The following USH2A variants were observed in gnomAD, a reference collection of about 807,000 sequenced individuals.
USH2A encodes Usher syndrome 2A (autosomal recessive, mild).
USH2A carries 443 observed loss-of-function variants against 538.9 expected under a neutral mutation model. The ratio of observed to expected loss-of-function variants is 0.82; its 90% confidence interval spans 0.76 to 0.89. The LOEUF (loss-of-function observed/expected upper bound fraction) is 0.89, where lower values mean the gene tolerates loss of function less well. USH2A is among the 40% of genes least tolerant of loss of function. USH2A has a pLI of 0.00. For missense variants in USH2A, 6,633 were observed against 6,324.8 expected (o/e 1.05, Z -1.65); for synonymous variants, 2,413 against 2,273.5 (o/e 1.06, Z -1.75).
chr1:216,126,987 T>A (rs148360716), intron 21 of USH2A, among the ~76,000 whole-genome samples: 1 of 152,318 alleles, frequency 6.6e-6, no homozygotes, highest in East Asian at 1.9e-4. Flanking sequence ...ACTATGCCAA[T>A]GTTTACAAAT....
intron 61 of USH2A, among the ~76,000 whole-genome samples, chr1:215,680,856 G>C (rs6540902): frequency 0.024 from 3,659 of 152,098 alleles, 139 homozygotes; most frequent in African/African-American, 0.083. Flanking sequence ...CATCTTCCCA[G>C]TCTCCCTCTC....
In USH2A at chr1:215,837,972, C is replaced by G. The variant is rs539406414; in HGVS notation, c.9371+19G>C. The G allele has an allele frequency of 2.1e-5, 33 of 1,588,122 alleles. 1 individual carries two copies. The South Asian group carries it at 3.3e-4, about 16-fold the overall frequency. On this transcript the variant is annotated intron_variant, in intron 47 of 71. Transcript: ENST00000307340. The stretch of plus-strand genomic sequence containing the variant: ...TCTGATCAGAGTTCCTTAGATTTAA[C>G]TGACACAAAATTTTGTACCTTGAAG...
chr1:216,417,822 G>A (rs991944739), intron 3 of USH2A, among the ~76,000 whole-genome samples: 5 of 151,948 alleles, frequency 3.3e-5, no homozygotes, highest in African/African-American at 9.7e-5. Flanking sequence ...TATAGTAGTG[G>A]AAGAATGGAC....
At chr1:215,625,935 T>C in intron 71 of USH2A, 65 bp from the exon 72 acceptor site, 1 of 1,461,410 alleles carries the variant, frequency 6.8e-7, no homozygotes, top group Non-Finnish European at 9.6e-7. Context: ...TATCAATTTA[T>C]AGTTATATCA....
intron 32 of USH2A, among the ~76,000 whole-genome samples, chr1:216,043,523 T>G (rs1164445243): frequency 3.3e-5 from 5 of 152,134 alleles, no homozygotes; most frequent in Non-Finnish European, 7.4e-5. Flanking sequence ...TTACCATGGA[T>G]GTAGGCACTT....
At chr1:215,682,882 C>A (rs548839391) in intron 61 of USH2A, among the ~76,000 whole-genome samples, 50 of 151,294 alleles carry the variant, frequency 3.3e-4, no homozygotes, top group Admixed American at 3.3e-4. Context: ...TATTATTATT[C>A]TTATTTTTTG....
At chr1:216,259,354 T>C (rs2036321230) in intron 11 of USH2A, among the ~76,000 whole-genome samples, 1 of 152,116 alleles carries the variant, frequency 6.6e-6, no homozygotes. Context: ...CTGAAATCTA[T>C]GGTCTGTAGC....
chr1:216,089,451 T>C (rs2032241097), intron 22 of USH2A, among the ~76,000 whole-genome samples: 1 of 152,098 alleles, frequency 6.6e-6, no homozygotes, highest in South Asian at 2.1e-4. Context: ...TAAAGAATTT[T>C]CTATTCTAAA....
At chr1:215,806,881 A>G (rs1343962955) in intron 49 of USH2A, among the ~76,000 whole-genome samples, 2 of 152,062 alleles carry the variant, frequency 1.3e-5, no homozygotes, top group East Asian at 3.8e-4. Context: ...TCTTGCACTC[A>G]GGCTCACAGT....
intron 58 of USH2A, among the ~76,000 whole-genome samples, chr1:215,747,908 G>A (rs1298578976): frequency 1.4e-5 from 2 of 144,764 alleles, no homozygotes; most frequent in Non-Finnish European, 3.0e-5. Context: ...TTTTTGAGAC[G>A]GAGTCTCGCT....
intron 38 of USH2A, among the ~76,000 whole-genome samples, chr1:215,905,563 G>T (rs1034270922): frequency 3.9e-5 from 6 of 152,072 alleles, no homozygotes; most frequent in Admixed American, 3.9e-4. Context: ...CAGCACAAAA[G>T]AGGTATAAAT....
At chr1:215,652,519 T>A (rs1032003274) in intron 64 of USH2A, among the ~76,000 whole-genome samples, 12 of 152,138 alleles carry the variant, frequency 7.9e-5, no homozygotes, top group Admixed American at 7.9e-4. Flanking sequence ...CCAGATTTCA[T>A]GGAAGTTAGA....
At chr1:216,329,548 T>A (rs2037812017) in intron 4 of USH2A, among the ~76,000 whole-genome samples, 1 of 152,120 alleles carries the variant, frequency 6.6e-6, no homozygotes, top group African/African-American at 2.4e-5. Context: ...TGTCCCGTTT[T>A]TTCTTTACCT....
At chr1:215,867,671 A>C (rs751684511) in intron 43 of USH2A, among the ~76,000 whole-genome samples, 4 of 152,198 alleles carry the variant, frequency 2.6e-5, no homozygotes, top group Non-Finnish European at 5.9e-5. Context: ...CAGACAGATA[A>C]ACCCCTAAAT....
intron 70 of USH2A, among the ~76,000 whole-genome samples, chr1:215,630,494 A>G (rs1407277031): frequency 3.1e-4 from 14 of 45,166 alleles, no homozygotes; most frequent in South Asian, 6.0e-4. Flanking sequence ...ATATATATAT[A>G]TATATATATA....
intron 37 of USH2A, among the ~76,000 whole-genome samples, chr1:215,938,229 A>G (rs1246284821): frequency 6.6e-6 from 1 of 152,136 alleles, no homozygotes; most frequent in African/African-American, 2.4e-5. Flanking sequence ...TCACCCCTAC[A>G]AACATACAGT....
At chr1:216,366,408 C>T (rs2038596872) in intron 3 of USH2A, among the ~76,000 whole-genome samples, 1 of 151,948 alleles carries the variant, frequency 6.6e-6, no homozygotes, top group South Asian at 2.1e-4. Context: ...CATGGGGGTA[C>T]AGCATGTTTG....
At chr1:216,241,781 G>A (rs577958880) in intron 13 of USH2A, among the ~76,000 whole-genome samples, 50 of 152,140 alleles carry the variant, frequency 3.3e-4, no homozygotes, top group African/African-American at 1.1e-3. Context: ...TGATCCACCC[G>A]CCTCAGCCTC....
intron 4 of USH2A, among the ~76,000 whole-genome samples, chr1:216,347,829 T>C (rs149488515): frequency 1.2e-3 from 186 of 152,238 alleles, no homozygotes; most frequent in African/African-American, 4.2e-3. Context: ...GAGTCAGCTA[T>C]AGGATTTTGA....
Sources: allele counts gnomAD v4.1 joint callset (sites outside exome capture counted in the v4.1 genomes callset), GRCh38; gene constraint gnomAD v4.1.1; transcripts MANE v1.5; gene names NCBI Gene and HGNC (gene_info 2026-07-23, HGNC 2026-07-21).